Variants in COL19A1 observed in about 807,000 individuals in gnomAD.
COL19A1 encodes the protein collagen type XIX alpha 1 chain, also known as collagen alpha-1(XIX) chain.
COL19A1 carries 159 observed loss-of-function variants against 190.2 expected under a neutral mutation model. The ratio of observed to expected loss-of-function variants is 0.84; its 90% CI spans 0.73 to 0.95. The LOEUF (loss-of-function observed/expected upper bound fraction) is 0.95, where lower values mean the gene tolerates loss of function less well. COL19A1 is among the 40% of genes least tolerant of loss of function. COL19A1 has a pLI of 0.00. For missense variants in COL19A1, 1,418 were observed against 1,431.9 expected, an observed-to-expected ratio of 0.99 and a Z score of 0.16; for synonymous variants, 509 against 458.9, an observed-to-expected ratio of 1.11 and a Z score of -1.39.
chr6:69,934,108 A>G (rs1364199239), intron 7 of COL19A1, among the ~76,000 whole-genome samples: 2 of 152,032 alleles, frequency 1.3e-5, no homozygotes, highest in Non-Finnish European at 2.9e-5. Context: ...ACCAAAGCAT[A>G]GCTTAAAGCA....
In COL19A1 at chr6:70,172,084, G is replaced by A. The variant is rs942360793; in HGVS notation, c.2622+67G>A. ...CAAAATTGTTTACTGAGCACCTAAT[G>A]TGCCAAAAACTGTTTTAGGTTAGGG... is the stretch of plus-strand genomic sequence containing the variant. On this transcript the variant is annotated intron_variant, in intron 41 of 50. Coordinates refer to ENST00000620364, the MANE Select transcript of COL19A1 (RefSeq NM_001858.6). The A allele has an allele frequency of 1.2e-5, 18 of 1,494,356 alleles. No homozygotes were observed. The African/African-American group carries it at 2.0e-4, about 16-fold the overall frequency. 92.6% of individuals were successfully genotyped at this position (1,494,356 alleles called of 1,614,324 possible).
rs1014764876 is a variant in COL19A1, at chr6:70,208,665, A to G, written c.*1391A>G. ...AACATGCTGCAAGAGCCTGCCAGCCACAGCAATCAGGACTCACAGCTCTTC... is the reference window on the plus strand; with the variant it reads ...AACATGCTGCAAGAGCCTGCCAGCCGCAGCAATCAGGACTCACAGCTCTTC... On this transcript the variant is annotated 3_prime_UTR_variant, in exon 51 of 51. Transcript: ENST00000620364. 2.0e-5 allele frequency: 3 copies of G among 152,690 alleles called. No homozygotes were observed. Among genetic ancestry groups the G allele is most frequent in the South Asian group, 4.1e-4 (2 of 4,828 alleles). The allele number at this position is 152,690 out of a possible 1,614,324, so 9.5% of individuals were successfully genotyped here. A position where few individuals can be genotyped will look rare whatever the true frequency, so the allele number is the denominator to read the frequency against.
intron 15 of COL19A1, among the ~76,000 whole-genome samples, chr6:70,094,391 A>G (rs1212641894): frequency 6.6e-6 from 1 of 152,190 alleles, no homozygotes; most frequent in Non-Finnish European, 1.5e-5. Context: ...CTGATGCCTA[A>G]CAGTGTGCAA....
intron 1 of COL19A1, among the ~76,000 whole-genome samples, chr6:69,870,683 G>A (rs1767771109): frequency 6.6e-6 from 1 of 152,092 alleles, no homozygotes; most frequent in South Asian, 2.1e-4. Context: ...ACTTTGAGCA[G>A]GGCAGTTAAG....
At chr6:70,093,507 T>C (rs1162337149) in intron 15 of COL19A1, among the ~76,000 whole-genome samples, 2 of 151,532 alleles carry the variant, frequency 1.3e-5, no homozygotes, top group East Asian at 3.9e-4. Flanking sequence ...AAATGGAAGG[T>C]TTGGGTTGGC....
At chr6:69,983,513 G>C (rs58371414) in intron 11 of COL19A1, among the ~76,000 whole-genome samples, 11,036 of 152,026 alleles carry the variant, frequency 0.073, 1,349 homozygotes, top group African/African-American at 0.24. Flanking sequence ...ATATTGAAAA[G>C]AAGTGGTTAT....
chr6:70,023,580 G>A (rs1386868015), intron 11 of COL19A1, 47 bp from the exon 12 acceptor site: 1 of 1,507,764 alleles, frequency 6.6e-7, no homozygotes. Context: ...TGCTAGCAAA[G>A]GTTTTCAGAT....
chr6:70,144,846 G>T, intron 24 of COL19A1, 72 bp from the exon 25 acceptor site: 2 of 946,816 alleles, frequency 2.1e-6, no homozygotes, highest in Non-Finnish European at 3.3e-6. Context: ...TAAAACAATG[G>T]AAACCACTAC....
intron 2 of COL19A1, among the ~76,000 whole-genome samples, chr6:69,896,057 A>G (rs1311882651): frequency 6.6e-6 from 1 of 151,998 alleles, no homozygotes; most frequent in African/African-American, 2.4e-5. Context: ...CAGTTTTCTA[A>G]AGTGTACTAA....
chr6:70,143,473 T>TA (rs1285942715), intron 23 of COL19A1, among the ~76,000 whole-genome samples: 4 of 152,088 alleles, frequency 2.6e-5, no homozygotes, highest in African/African-American at 7.2e-5. Flanking sequence ...TCCTTGGCCA[T>TA]AACTCCTTGG....
intron 20 of COL19A1, among the ~76,000 whole-genome samples, chr6:70,141,213 T>A (rs772058702): frequency 6.6e-6 from 1 of 152,056 alleles, no homozygotes. Context: ...TTGGTTTGAG[T>A]TTTCTAATAC....
At chr6:70,080,006 G>A (rs533874775) in intron 15 of COL19A1, among the ~76,000 whole-genome samples, 17 of 152,192 alleles carry the variant, frequency 1.1e-4, no homozygotes, top group Non-Finnish European at 1.8e-4. Context: ...CAAAAGGGAA[G>A]GCACAGGTAT....
intron 9 of COL19A1, among the ~76,000 whole-genome samples, chr6:69,957,639 C>CTAA (rs1267515527): frequency 6.6e-6 from 1 of 151,874 alleles, no homozygotes; most frequent in Non-Finnish European, 1.5e-5. Flanking sequence ...CAATAATGAA[C>CTAA]TAAAGTATTG....
intron 1 of COL19A1, among the ~76,000 whole-genome samples, chr6:69,875,592 G>T (rs916244359): frequency 5.3e-5 from 8 of 152,164 alleles, no homozygotes; most frequent in Admixed American, 6.5e-5. Context: ...GACATGACTT[G>T]TTGATGGTTT....
chr6:69,925,804 C>T (rs1772344314), intron 4 of COL19A1, among the ~76,000 whole-genome samples: 1 of 152,118 alleles, frequency 6.6e-6, no homozygotes, highest in African/African-American at 2.4e-5. Context: ...TCCTTCACAT[C>T]CCTTGTAAGT....
intron 2 of COL19A1, among the ~76,000 whole-genome samples, chr6:69,893,031 C>T (rs919198541): frequency 6.6e-6 from 1 of 152,200 alleles, no homozygotes; most frequent in Non-Finnish European, 1.5e-5. Flanking sequence ...TAGGAGTATA[C>T]CTTACTCAAT....
intron 14 of COL19A1, among the ~76,000 whole-genome samples, chr6:70,041,615 T>C (rs1243196788): frequency 1.3e-5 from 2 of 152,166 alleles, no homozygotes. Flanking sequence ...GGTTCACAGA[T>C]GTTACATAAC....
At chr6:70,078,933 G>A (rs748057595) in intron 15 of COL19A1, among the ~76,000 whole-genome samples, 1 of 152,122 alleles carries the variant, frequency 6.6e-6, no homozygotes, top group Non-Finnish European at 1.5e-5. Flanking sequence ...TGGGCATGGT[G>A]GTGTGCACCT....
chr6:70,184,566 T>C, intron 44 of COL19A1, 137 bp from the exon 45 acceptor site: 2 of 695,840 alleles, frequency 2.9e-6, no homozygotes, highest in Non-Finnish European at 2.4e-6. Flanking sequence ...ATTTATTTGT[T>C]TTCCATTTTA....
Sources: gnomAD v4.1 joint callset for allele counts (sites outside exome capture counted in the v4.1 genomes callset) on GRCh38, gnomAD v4.1.1 for gene constraint, MANE v1.5 for transcripts, NCBI Gene and HGNC (gene_info 2026-07-23, HGNC 2026-07-21) for gene names.